SEC24A: variants seen among roughly 807,000 people sequenced by gnomAD.
SEC24A encodes SEC24 homolog A, COPII component, also known as protein transport protein Sec24A.
SEC24A carries 93 observed loss-of-function variants against 129.4 expected under a neutral mutation model. That is an observed-to-expected ratio of 0.72 (90% CI 0.61 to 0.85). The LOEUF (loss-of-function observed/expected upper bound fraction) is 0.85, where lower values mean the gene tolerates loss of function less well. Ranked by LOEUF, SEC24A falls within the 40% of genes least tolerant of loss-of-function variation. The probability of loss-of-function intolerance (pLI) is 0.00; values close to 1 mark genes in which losing one functional copy is unlikely to be tolerated. For synonymous variants in SEC24A, 460 were observed against 467.3 expected, an observed-to-expected ratio of 0.98 and a Z score of 0.20; for missense variants, 1,264 against 1,307.4, an observed-to-expected ratio of 0.97 and a Z score of 0.51.
In SEC24A at chr5:134,677,562, G is replaced by T. The variant is rs112775093; in HGVS notation, c.1254+1437G>T. 6.8e-3 allele frequency among the ~76,000 whole-genome samples: 1,032 copies of T among 151,130 alleles called. 11 individuals are homozygous for T. Among genetic ancestry groups the T allele is most frequent in the African/African-American group, 0.024 (975 of 41,154 alleles). ...CTTAAAAAAAAAAAATAAAGGCCAG[G>T]TGCAGTGGCTCACACCTGTAATCCT... On this transcript the variant is annotated intron_variant, in intron 7 of 22. Coordinates refer to ENST00000398844, the MANE Select transcript of SEC24A (RefSeq NM_021982.3).
chr5:134,715,223 T>A, intron 19 of SEC24A, 62 bp downstream of exon 19: 1 of 1,336,022 alleles, frequency 7.5e-7, no homozygotes, highest in Non-Finnish European at 1.0e-6. Context: ...CATAGTCCAG[T>A]ACAGAAATGA....
intron 1 of SEC24A, among the ~76,000 whole-genome samples, chr5:134,652,476 G>A (rs1750090746): frequency 6.6e-6 from 1 of 151,350 alleles, no homozygotes; most frequent in East Asian, 2.0e-4. Flanking sequence ...AGTAGAGACG[G>A]GGTTTCGCCA....
rs772047036 is a variant in SEC24A at position 134,693,878 on chromosome 5, T to G, written c.1931T>G (p.Leu644Arg). 1.9e-6 allele frequency: 3 copies of G among 1,613,968 alleles called. No homozygotes were observed. Among genetic ancestry groups the G allele is most frequent in the Non-Finnish European group, 2.5e-6 (3 of 1,180,024 alleles). Residue 644 changes from leucine to arginine, a missense_variant, in exon 13 of 23, where the codon CTT (leucine) becomes CGT (arginine). Leu to Arg is a moderately radical substitution (Grantham distance 102). Transcript: ENST00000398844. ...GTCTTTCAAACACAACTCCCAACTCTTGGAGTGGGAGCCCTGAAACCACGA... is the reference window on the plus strand; with the variant it reads ...GTCTTTCAAACACAACTCCCAACTCGTGGAGTGGGAGCCCTGAAACCACGA... ...MSVFQTQLPT[L>R]GVGALKPREE...
chr5:134,704,008 A>C, intron 16 of SEC24A, 76 bp downstream of exon 16: 1 of 913,798 alleles, frequency 1.1e-6, no homozygotes, highest in Non-Finnish European at 1.7e-6. Context: ...TGGGCTATAA[A>C]ATACATGTAG....
chr5:134,666,489 G>A (rs1045582645), intron 2 of SEC24A, among the ~76,000 whole-genome samples: 1 of 152,046 alleles, frequency 6.6e-6, no homozygotes, highest in African/African-American at 2.4e-5. Flanking sequence ...CCCGGGAGGT[G>A]GAGGTTGCAG....
intron 21 of SEC24A, among the ~76,000 whole-genome samples, 184 bp from the exon 22 acceptor site, chr5:134,723,383 G>A (rs746386766): frequency 3.5e-4 from 53 of 152,110 alleles, no homozygotes; most frequent in Non-Finnish European, 6.8e-4. Flanking sequence ...GAGGATCACC[G>A]GAGCCTGGAG....
intron 13 of SEC24A, 99 bp from the exon 14 acceptor site, chr5:134,697,027 C>G: frequency 1.5e-6 from 1 of 646,194 alleles, no homozygotes; most frequent in South Asian, 3.3e-5. Context: ...GAAATAATTG[C>G]AATTGTTGTT....
At chr5:134,719,458 G>A (rs72800325) in intron 20 of SEC24A, among the ~76,000 whole-genome samples, 342 of 151,454 alleles carry the variant, frequency 2.3e-3, no homozygotes, top group Non-Finnish European at 4.5e-3. Context: ...TTGGGAGGCC[G>A]AGGATGGCAG....
At position 134,661,315 on chromosome 5, in the gene SEC24A, T is replaced by A. The variant is rs1442083009; in HGVS notation, c.294T>A (p.Pro98=). ...RPPVASNPVT[P]SLHSGPAPRM... is the part of the protein sequence containing the mutation. ...CTGTGGCCTCTAATCCAGTGACACC[T>A]TCGCTTCATAGTGGTCCTGCTCCCC... Residue 98 remains proline (P), a synonymous_variant, in exon 2 of 23, where the codon CCT becomes CCA. Transcript: ENST00000398844. 6.2e-7 allele frequency: 1 copy of A among 1,614,176 alleles called. No homozygotes were observed. Among genetic ancestry groups the A allele is most frequent in the Admixed American group, 1.7e-5 (1 of 59,988 alleles).
intron 20 of SEC24A, among the ~76,000 whole-genome samples, chr5:134,719,935 A>G (rs923742659): frequency 1.3e-5 from 2 of 152,230 alleles, no homozygotes; most frequent in African/African-American, 4.8e-5. Context: ...TGGTGAGCCA[A>G]GATCGTGCCA....
rs1189175527 is a variant in SEC24A, at chr5:134,651,058, A to C, written c.97+1885A>C. Among the ~76,000 whole-genome samples, 4 of 149,282 alleles carry C rather than the reference A, an allele frequency of 2.7e-5. No individual in the cohort carries two copies. The East Asian group carries it at 5.9e-4, about 22-fold the overall frequency. On this transcript the variant is annotated intron_variant, in intron 1 of 22. Transcript: ENST00000398844. The stretch of plus-strand genomic sequence containing the variant: ...CCAAAGTGCTGGGATTACAGGCATG[A>C]GCCACTGTGCCTGGCCTCTACAGGT...
chr5:134,709,671 T>A lies in SEC24A; in HGVS notation c.2727+783T>A, dbSNP rs529596305. ...GGTACAGTGTTTTAGTTAGGAGGAATAAGTGATAACTATTTGAGGTTATGG... is the reference window on the plus strand; with the variant it reads ...GGTACAGTGTTTTAGTTAGGAGGAAAAAGTGATAACTATTTGAGGTTATGG... On this transcript the variant is annotated intron_variant, in intron 18 of 22. Transcript: ENST00000398844. 3.9e-5 allele frequency among the ~76,000 whole-genome samples: 6 copies of A among 152,284 alleles called. No individual in the cohort carries two copies. The South Asian group carries it at 1.2e-3, about 32-fold the overall frequency.
At chr5:134,696,281 GAAAA>G (rs1273037307) in intron 13 of SEC24A, among the ~76,000 whole-genome samples, 1 of 150,858 alleles carries the variant, frequency 6.6e-6, no homozygotes, top group African/African-American at 2.4e-5. Flanking sequence ...CAAAAAAAAA[GAAAA>G]AGAAAAAAAG....
intron 1 of SEC24A, among the ~76,000 whole-genome samples, chr5:134,658,786 A>G (rs1750338540): frequency 6.6e-6 from 1 of 152,080 alleles, no homozygotes; most frequent in Admixed American, 6.6e-5. Context: ...GGAAGGATAA[A>G]TGGGCTTTTA....
rs745936449 is a variant in SEC24A at position 134,649,051 on chromosome 5, G to T, written c.-26G>T. 10 of 1,576,566 alleles carry T rather than the reference G, an allele frequency of 6.3e-6. No individual in the cohort carries two copies. The Admixed American group carries it at 1.4e-4, about 22-fold the overall frequency. ...CTTCTTGTGCGCTGTTGTCGACCCCGACCAGCCCCTTCCAACCCAGTCATC... is the reference window on the plus strand; with the variant it reads ...CTTCTTGTGCGCTGTTGTCGACCCCTACCAGCCCCTTCCAACCCAGTCATC... On this transcript the variant is annotated 5_prime_UTR_variant, in exon 1 of 23. Transcript: ENST00000398844.
rs1332207728 is a variant in SEC24A at position 134,649,186 on chromosome 5, C to CG, written c.97+19dup. 6.9e-6 allele frequency: 11 copies of CG among 1,583,532 alleles called. No individual in the cohort carries two copies. The highest frequency in any genetic ancestry group is 2.3e-5 in the East Asian group (1 of 42,838). On this transcript the variant is annotated intron_variant, in intron 1 of 22. Coordinates refer to ENST00000398844, the MANE Select transcript of SEC24A (RefSeq NM_021982.3). ...CCCTACACCAACGGTGAGTGCTGTC[C>CG]GGGGGGAGGGCGCAGCCTGGCCAGG...
chr5:134,651,302 T>G (rs2150064839), intron 1 of SEC24A, among the ~76,000 whole-genome samples: 1 of 148,664 alleles, frequency 6.7e-6, no homozygotes, highest in South Asian at 2.1e-4. Flanking sequence ...TATATTTTAT[T>G]ATTATTTTTT....
intron 16 of SEC24A, among the ~76,000 whole-genome samples, chr5:134,704,916 A>G (rs2150105564): frequency 6.6e-6 from 1 of 151,332 alleles, no homozygotes; most frequent in African/African-American, 2.4e-5. Flanking sequence ...GCCTCAGGTA[A>G]TCCTCCCACC....
At chr5:134,665,714 A>G (rs1033248406) in intron 2 of SEC24A, among the ~76,000 whole-genome samples, 1 of 151,652 alleles carries the variant, frequency 6.6e-6, no homozygotes, top group Non-Finnish European at 1.5e-5. Flanking sequence ...CCACCACCAC[A>G]CCTGGCTAAT....
Sources: gnomAD v4.1 joint callset for allele counts (sites outside exome capture counted in the v4.1 genomes callset) on GRCh38, gnomAD v4.1.1 for gene constraint, MANE v1.5 for transcripts, NCBI Gene and HGNC (gene_info 2026-07-23, HGNC 2026-07-21) for gene names.